PLOD2: variants seen among roughly 807,000 people sequenced by gnomAD.
PLOD2 encodes the protein procollagen-lysine,2-oxoglutarate 5-dioxygenase 2, also known as lysine hydroxylase 2.
A neutral mutation model predicts 101.0 loss-of-function variants in PLOD2; 65 were observed. The observed-to-expected ratio is 0.64, with a 90% CI of 0.53 to 0.79. PLOD2 has a LOEUF of 0.79. Ranked by LOEUF, PLOD2 falls within the 30% of genes least tolerant of loss-of-function variation. The pLI is 0.00. For missense variants in PLOD2, 909 were observed against 914.6 expected (o/e 0.99, Z 0.08); for synonymous variants, 314 against 302.9 (o/e 1.04, Z -0.38).
chr3:146,124,769 C>A (rs1263994177), intron 1 of PLOD2, among the ~76,000 whole-genome samples: 1 of 151,944 alleles, frequency 6.6e-6, no homozygotes, highest in African/African-American at 2.4e-5. Flanking sequence ...TTCTCCTATC[C>A]GGGATTGCTT....
At chr3:146,154,474 C>CA (rs35748974) in intron 1 of PLOD2, among the ~76,000 whole-genome samples, 25,239 of 140,862 alleles carry the variant, frequency 0.18, 2,160 homozygotes, top group East Asian at 0.24. Context: ...AAAAGAACAG[C>CA]AAAAAAAAAA....
chr3:146,126,656 T>C (rs1041721490), intron 1 of PLOD2, among the ~76,000 whole-genome samples: 1 of 152,074 alleles, frequency 6.6e-6, no homozygotes, highest in African/African-American at 2.4e-5. Context: ...AATATTAACA[T>C]AAGAGACATT....
chr3:146,076,038 T>C (rs963591), intron 15 of PLOD2: 1 of 151,396 alleles, frequency 6.6e-6, no homozygotes, highest in Non-Finnish European at 1.5e-5. Context: ...ACTGATCCCA[T>C]CACCAAGGTA....
At chr3:146,122,080 A>G (rs2030203042) in intron 2 of PLOD2, among the ~76,000 whole-genome samples, 1 of 152,344 alleles carries the variant, frequency 6.6e-6, no homozygotes, top group African/African-American at 2.4e-5. Context: ...ACACAAGAAA[A>G]GGATAAAATA....
intron 12 of PLOD2, among the ~76,000 whole-genome samples, chr3:146,079,597 T>C (rs1576575652): frequency 6.6e-6 from 1 of 151,942 alleles, no homozygotes; most frequent in African/African-American, 2.4e-5. Context: ...ATTAAAGAAT[T>C]TGATAGCATG....
At chr3:146,128,282 A>C (rs972668421) in intron 1 of PLOD2, among the ~76,000 whole-genome samples, 4 of 152,158 alleles carry the variant, frequency 2.6e-5, no homozygotes, top group African/African-American at 9.6e-5. Context: ...AGCAAAAGCT[A>C]TCTCATTTTC....
chr3:146,104,301 G>A lies in PLOD2; in HGVS notation c.657C>T (p.Phe219=), dbSNP rs762304507. ...NITLDHKCKI[F]QTLNGAVDEV... ...TACCTACAGCTCCATTTAAGGTCTG[G>A]AAAATTTTGCATTTGTGATCCAATG... Residue 219 remains phenylalanine (F), a synonymous_variant, in exon 6 of 20, where the codon TTC becomes TTT. Transcript: ENST00000282903. The A allele has an allele frequency of 2.5e-6, 4 of 1,594,298 alleles. No homozygotes were observed. The highest frequency in any genetic ancestry group is 3.3e-5 in the Admixed American group (2 of 59,988).
chr3:146,139,822 T>C (rs73865323), intron 1 of PLOD2, among the ~76,000 whole-genome samples: 1,568 of 152,180 alleles, frequency 0.01, 33 homozygotes, highest in African/African-American at 0.036. Context: ...GGAAGAAATA[T>C]CAGCTGCTGG....
At chr3:146,100,411 A>G (rs1460209465) in intron 7 of PLOD2, among the ~76,000 whole-genome samples, 1 of 152,220 alleles carries the variant, frequency 6.6e-6, no homozygotes, top group East Asian at 1.9e-4. Flanking sequence ...ACCAGAAAAC[A>G]GGCAAATATC....
At chr3:146,160,774 G>T in intron 1 of PLOD2, 107 bp downstream of exon 1, 1 of 728,160 alleles carries the variant, frequency 1.4e-6, no homozygotes, top group Non-Finnish European at 2.4e-6. Context: ...GGAGGGACAG[G>T]CCCCCACTAC....
rs1277295976 is a variant in PLOD2, at chr3:146,072,638, T to C, written c.1771A>G (p.Ile591Val). 3.7e-6 allele frequency: 6 copies of C among 1,609,058 alleles called. No homozygotes were observed. Among genetic ancestry groups the C allele is most frequent in the South Asian group, 3.3e-5 (3 of 90,984 alleles). The change falls in exon 17 of 20, where the codon ATA (isoleucine) becomes GTA (valine). Residue 591 changes from isoleucine (I) to valine (V), a missense_variant. Ile to Val is a conservative substitution (Grantham distance 29). Transcript: ENST00000282903. ...QPCPDVFWFP[I>V]FSEKACDELV... ...TCATCACAGGCTTTTTCAGAAAATATGGGGAACCAAAAGACATCTGGACAG... is the reference window on the plus strand; with the variant it reads ...TCATCACAGGCTTTTTCAGAAAATACGGGGAACCAAAAGACATCTGGACAG...
chr3:146,134,439 C>T (rs552082805), intron 1 of PLOD2, among the ~76,000 whole-genome samples: 1 of 152,240 alleles, frequency 6.6e-6, no homozygotes, highest in Non-Finnish European at 1.5e-5. Flanking sequence ...ATAGAGCGGA[C>T]TTTAATCTGC....
At chr3:146,112,440 C>T (rs1024158624) in intron 3 of PLOD2, among the ~76,000 whole-genome samples, 1 of 151,714 alleles carries the variant, frequency 6.6e-6, no homozygotes, top group East Asian at 1.9e-4. Flanking sequence ...TAAGTGGGAG[C>T]TGAACAATGA....
At chr3:146,099,433 G>C (rs972712069) in intron 7 of PLOD2, among the ~76,000 whole-genome samples, 3 of 152,116 alleles carry the variant, frequency 2.0e-5, no homozygotes, top group Non-Finnish European at 4.4e-5. Flanking sequence ...ATCTCGCTTT[G>C]TCGCCCAGGC....
chr3:146,127,413 A>G (rs1030980869), intron 1 of PLOD2, among the ~76,000 whole-genome samples: 6 of 152,216 alleles, frequency 3.9e-5, no homozygotes, highest in African/African-American at 1.2e-4. Flanking sequence ...CCCACTTATA[A>G]GCGAGAACAC....
intron 1 of PLOD2, among the ~76,000 whole-genome samples, chr3:146,145,691 G>A (rs924239113): frequency 6.6e-6 from 1 of 152,054 alleles, no homozygotes; most frequent in Non-Finnish European, 1.5e-5. Flanking sequence ...GTTTTCTTTT[G>A]TACTTTTGTT....
intron 1 of PLOD2, among the ~76,000 whole-genome samples, chr3:146,157,919 C>A (rs1292008303): frequency 6.6e-6 from 1 of 152,140 alleles, no homozygotes; most frequent in Non-Finnish European, 1.5e-5. Flanking sequence ...CAAACCTTTC[C>A]TTTTTTCCTT....
chr3:146,138,542 A>G (rs1302536207), intron 1 of PLOD2, among the ~76,000 whole-genome samples: 2 of 152,054 alleles, frequency 1.3e-5, no homozygotes, highest in Admixed American at 1.3e-4. Flanking sequence ...GAAACAACAA[A>G]TACAGAGAAT....
rs148211122 is a variant in PLOD2 at position 146,110,322 on chromosome 3, A to C, written c.465T>G (p.Pro155=). Residue 155 remains proline, a synonymous_variant, in exon 4 of 20, where the codon CCT becomes CCG. Transcript: ENST00000282903. ...GATAGCGTTTCCCAATGTGCACAACAGGATACTTGTCTGCTAGTCTTTTAT... is the reference window on the plus strand; with the variant it reads ...GATAGCGTTTCCCAATGTGCACAACCGGATACTTGTCTGCTAGTCTTTTAT... ...WPDKRLADKY[P]VVHIGKRYLN... is the part of the protein sequence containing the mutation. The C allele has an allele frequency of 6.1e-5, 98 of 1,613,892 alleles. No homozygotes were observed. The African/African-American group carries it at 1.2e-3, about 20-fold the overall frequency.
Sources: allele counts gnomAD v4.1 joint callset (sites outside exome capture counted in the v4.1 genomes callset), GRCh38; gene constraint gnomAD v4.1.1; transcripts MANE v1.5; gene names NCBI Gene and HGNC (gene_info 2026-07-23, HGNC 2026-07-21).